The following DIAPH2 variants were observed in gnomAD, a reference collection of about 807,000 sequenced individuals.
DIAPH2 encodes protein diaphanous homolog 2.
A neutral mutation model predicts 92.7 loss-of-function variants in DIAPH2; 35 were observed. The observed-to-expected ratio is 0.38, with a 90% CI of 0.29 to 0.50. The LOEUF is 0.50. DIAPH2 is among the 20% of genes least tolerant of loss of function. The pLI is 0.94. For synonymous variants in DIAPH2, 301 were observed against 280.4 expected (o/e 1.07, Z -0.73); for missense variants, 701 against 819.5 (o/e 0.86, Z 1.77).
At chrX:96,875,277 A>G (rs963266744) in intron 4 of DIAPH2, among the ~76,000 whole-genome samples, 3 of 111,869 alleles carry the variant, frequency 2.7e-5, no homozygotes, top group Non-Finnish European at 5.6e-5. Context: ...CTGTAATACA[A>G]GTGCTCAAAA....
Position 97,323,431 on chromosome X carries a change from A to C in DIAPH2, c.2845-24685A>C, listed in dbSNP as rs1385673622. ...ACGGTGAAACCCTGTCTCTACTAAA[A>C]ATACAAAAAATTAGCCGGGCGTGGT... On this transcript the variant is annotated intron_variant, in intron 23 of 26. Transcript: ENST00000324765. Among the ~76,000 whole-genome samples the C allele has an allele frequency of 2.9e-5, 3 of 102,147 alleles. No individual in the cohort carries two copies. The East Asian group carries it at 9.6e-4, about 33-fold the overall frequency. The allele number at this position is 102,147 out of a possible 115,157, so 88.7% of individuals were successfully genotyped here.
At chrX:97,230,695 G>A (rs564054933) in intron 22 of DIAPH2, among the ~76,000 whole-genome samples, 1 of 111,518 alleles carries the variant, frequency 9.0e-6, no homozygotes, top group Admixed American at 9.6e-5. Flanking sequence ...TGACAGGCGC[G>A]TGCCTCCACT....
intron 3 of DIAPH2, among the ~76,000 whole-genome samples, chrX:96,750,552 A>G (rs1344861635): frequency 8.9e-6 from 1 of 111,765 alleles, no homozygotes; most frequent in Admixed American, 9.5e-5. Flanking sequence ...TACCTGACTC[A>G]GGAATCCTTC....
chrX:97,090,336 A>G (rs1282631733), intron 19 of DIAPH2, among the ~76,000 whole-genome samples: 2 of 12,647 alleles, frequency 1.6e-4, no homozygotes, highest in East Asian at 5.3e-3. Flanking sequence ...TTTTTTTTTG[A>G]GAAAGAGCTC....
chrX:97,120,541 C>A (rs1292976578), intron 21 of DIAPH2, among the ~76,000 whole-genome samples: 1 of 108,997 alleles, frequency 9.2e-6, no homozygotes, highest in Non-Finnish European at 1.9e-5. Context: ...GCAATCTAGT[C>A]CTGCTTCCCG....
At chrX:97,438,647 G>T (rs2147784614) in intron 26 of DIAPH2, among the ~76,000 whole-genome samples, 1 of 110,000 alleles carries the variant, frequency 9.1e-6, no homozygotes, top group Admixed American at 9.8e-5. Flanking sequence ...AAATTGCTGG[G>T]ATTACAGGCA....
At chrX:97,246,205 C>T (rs936032896) in intron 22 of DIAPH2, among the ~76,000 whole-genome samples, 25 of 110,284 alleles carry the variant, frequency 2.3e-4, no homozygotes, top group African/African-American at 4.6e-4. Flanking sequence ...TGAGCCACCG[C>T]GCTCGGCCTG....
intron 17 of DIAPH2, among the ~76,000 whole-genome samples, chrX:96,974,730 G>A (rs772355818): frequency 5.4e-5 from 6 of 110,745 alleles, no homozygotes; most frequent in Admixed American, 1.9e-4. Flanking sequence ...GATATTTGGG[G>A]GCATAGAATC....
Position 97,073,098 on chromosome X carries a change from C to A in DIAPH2, c.2152+56C>A, listed in dbSNP as rs139935149. 4.1e-3 allele frequency: 3,170 copies of A among 781,539 alleles called. 31 individuals carry two copies. The highest frequency in any genetic ancestry group is 0.031 in the East Asian group (924 of 30,067). The allele number at this position is 781,539 out of a possible 1,213,427, so 64.4% of individuals were successfully genotyped here. Reference sequence around the variant, plus strand: ...TAGGTAACGGTGAGAGGGGTGGGAGCTGTTTAATGTATTTAATGAAAGTTG... The same window carrying A: ...TAGGTAACGGTGAGAGGGGTGGGAGATGTTTAATGTATTTAATGAAAGTTG... On this transcript the variant is annotated intron_variant, in intron 18 of 26. Coordinates refer to ENST00000324765, the MANE Select transcript of DIAPH2 (RefSeq NM_006729.5).
chrX:97,388,289 G>T (rs1226333713), intron 25 of DIAPH2, among the ~76,000 whole-genome samples: 2 of 111,795 alleles, frequency 1.8e-5, no homozygotes, highest in Admixed American at 1.9e-4. Flanking sequence ...GTGCATATCT[G>T]TCTTTTCACA....
chrX:97,210,055 A>G (rs892748029), intron 22 of DIAPH2, among the ~76,000 whole-genome samples: 27 of 111,576 alleles, frequency 2.4e-4, no homozygotes, highest in Non-Finnish European at 4.5e-4. Flanking sequence ...ACAAATAAGC[A>G]TTGACTTTTC....
chrX:96,964,793 A>C (rs1315160031), intron 16 of DIAPH2, among the ~76,000 whole-genome samples: 3 of 111,293 alleles, frequency 2.7e-5, no homozygotes, highest in Non-Finnish European at 5.7e-5. Flanking sequence ...AGGAACAAGA[A>C]GATTTTATGT....
chrX:96,837,988 C>T (rs1483020175), intron 4 of DIAPH2, among the ~76,000 whole-genome samples: 1 of 111,758 alleles, frequency 8.9e-6, no homozygotes, highest in South Asian at 3.7e-4. Flanking sequence ...ATTGGGAGAT[C>T]GTGACTCAGA....
chrX:97,348,624 G>T (rs1012983163), intron 24 of DIAPH2, among the ~76,000 whole-genome samples: 1 of 111,714 alleles, frequency 9.0e-6, no homozygotes, highest in Non-Finnish European at 1.9e-5. Flanking sequence ...TTAATATCTA[G>T]AACTTTTCAC....
chrX:96,938,215 T>G (rs1487740057), intron 11 of DIAPH2, among the ~76,000 whole-genome samples: 1 of 111,738 alleles, frequency 8.9e-6, no homozygotes, highest in African/African-American at 3.3e-5. Flanking sequence ...TGTTTAATCT[T>G]TTTTCCTTCA....
chrX:96,954,934 T>C (rs749433835), intron 15 of DIAPH2, among the ~76,000 whole-genome samples: 1 of 112,878 alleles, frequency 8.9e-6, no homozygotes, highest in African/African-American at 3.2e-5. Context: ...TTGTATTTAT[T>C]ATCCCATATT....
Position 96,916,419 on chromosome X carries a change from T to TG in DIAPH2, c.733-19_733-18insG. 1 of 822,763 alleles carries TG rather than the reference T, an allele frequency of 1.2e-6. No homozygotes were observed. Among genetic ancestry groups the TG allele is most frequent in the Non-Finnish European group, 1.6e-6 (1 of 635,889 alleles). 67.8% of individuals were successfully genotyped at this position (822,763 alleles called of 1,213,427 possible). A position where few individuals can be genotyped will look rare whatever the true frequency, so the allele number is the denominator to read the frequency against. On this transcript the variant is annotated intron_variant, in intron 7 of 26. Transcript: ENST00000324765. ...TTCCATAGACATTCTGAATGAAGGT[T>TG]TTTTTTTTTTTTTTTTAGTTTGGAT...
chrX:97,319,868 G>A (rs931787385), intron 23 of DIAPH2, among the ~76,000 whole-genome samples: 2 of 107,991 alleles, frequency 1.9e-5, no homozygotes, highest in Non-Finnish European at 3.8e-5. Context: ...GGGAGGCCGA[G>A]GCAGGTGGAT....
intron 22 of DIAPH2, among the ~76,000 whole-genome samples, chrX:97,162,372 G>T (rs936733765): frequency 8.9e-6 from 1 of 111,977 alleles, no homozygotes; most frequent in East Asian, 2.8e-4. Context: ...AGTAGCATCT[G>T]CCTCATAGGT....
Sources: gnomAD v4.1 joint callset for allele counts (sites outside exome capture counted in the v4.1 genomes callset) on GRCh38, gnomAD v4.1.1 for gene constraint, MANE v1.5 for transcripts, NCBI Gene and HGNC (gene_info 2026-07-23, HGNC 2026-07-21) for gene names.